TPO: variants seen among roughly 807,000 people sequenced by gnomAD.
TPO encodes the protein thyroid peroxidase.
In TPO, 78 loss-of-function variants were observed where a neutral mutation model predicts 96.9. The observed-to-expected ratio is 0.81, with a 90% confidence interval of 0.67 to 0.97. The LOEUF is 0.97. Among genes scored for constraint, TPO ranks in the 50% least tolerant of loss-of-function variants. TPO has a pLI of 0.00. For synonymous variants in TPO, 547 were observed against 538.0 expected (o/e 1.02, Z -0.23); for missense variants, 1,252 against 1,274.8 (o/e 0.98, Z 0.27).
In TPO at chr2:1,523,731, CCCACTGTGTGCAACCCCCCCAAATACCG is replaced by C. The variant is rs1365649152; in HGVS notation, c.2618+6765_2618+6792del. On this transcript the variant is annotated intron_variant, in intron 15 of 16. Coordinates refer to ENST00000329066, the MANE Select transcript of TPO (RefSeq NM_001206744.2). ...CACTGTGTGCAACCTCCTCAGGTCC[CCCACTGTGTGCAACCCCCCCAAATACCG>C]CCACTGTGTGCAACCTCTTCTAATC... is the stretch of plus-strand genomic sequence containing the variant. Among the ~76,000 whole-genome samples, 34 of 126,412 alleles carry C rather than the reference CCCACTGTGTGCAACCCCCCCAAATACCG, an allele frequency of 2.7e-4. 1 individual carries two copies. The East Asian group carries it at 8.7e-3, about 32-fold the overall frequency. 82.9% of individuals were successfully genotyped at this position (126,412 alleles called of 152,430 possible).
intron 15 of TPO, among the ~76,000 whole-genome samples, chr2:1,538,047 A>G (rs555760827): frequency 1.0e-3 from 88 of 86,666 alleles, no homozygotes; most frequent in African/African-American, 5.9e-3. Flanking sequence ...ACTGTGTGCA[A>G]CCTCCTCAAA....
chr2:1,438,305 A>C (rs1381917156), intron 5 of TPO, among the ~76,000 whole-genome samples: 3 of 152,134 alleles, frequency 2.0e-5, no homozygotes, highest in Admixed American at 6.5e-5. Context: ...CAATTATCTT[A>C]AGAATCAGCG....
intron 8 of TPO, among the ~76,000 whole-genome samples, chr2:1,483,268 C>T (rs1179547572): frequency 6.6e-6 from 1 of 152,214 alleles, no homozygotes; most frequent in Non-Finnish European, 1.5e-5. Context: ...GCTCAGGCCT[C>T]AGTTCTCTGC....
upstream of TPO, among the ~76,000 whole-genome samples, chr2:1,409,417 AT>A (rs1299133948): frequency 2.0e-5 from 3 of 152,234 alleles, no homozygotes; most frequent in Non-Finnish European, 4.4e-5. Context: ...TTACAGGGGA[AT>A]TTAATTAAGT....
chr2:1,412,802 G>T (rs115351629), upstream of TPO, among the ~76,000 whole-genome samples: 606 of 152,260 alleles, frequency 4.0e-3, 8 homozygotes, highest in African/African-American at 0.014. Context: ...ATGAGATACA[G>T]CCTGAAAGCA....
Position 1,487,919 on chromosome 2 carries a change from G to T in TPO, c.1696G>T (p.Val566Leu). 1 of 1,614,190 alleles carries T rather than the reference G, an allele frequency of 6.2e-7. No individual in the cohort carries two copies. The highest frequency in any genetic ancestry group is 8.5e-7 in the Non-Finnish European group (1 of 1,180,038). Residue 566 changes from valine (V) to leucine (L), a missense_variant, in exon 10 of 17, where the codon GTG becomes TTG. Val to Leu is a conservative substitution (Grantham distance 32). Transcript: ENST00000329066. ...CGAGGAGCTGACGGAAAGGCTCTTT[G>T]TGCTGTCCAATTCCAGCACCTTGGA... ...MNEELTERLF[V>L]LSNSSTLDLA...
intron 15 of TPO, among the ~76,000 whole-genome samples, chr2:1,523,781 A>C (rs1322683325): frequency 9.4e-6 from 1 of 106,528 alleles, no homozygotes; most frequent in Non-Finnish European, 1.8e-5. Context: ...AACCTCTTCT[A>C]ATCCCCTCAC....
chr2:1,467,459 G>A (rs555967773), intron 7 of TPO, among the ~76,000 whole-genome samples: 11 of 152,224 alleles, frequency 7.2e-5, no homozygotes, highest in African/African-American at 2.6e-4. Context: ...TGTCATTCAG[G>A]AGCAGATTAT....
intron 1 of TPO, among the ~76,000 whole-genome samples, chr2:1,399,097 C>T (rs552116596): frequency 2.6e-5 from 4 of 152,320 alleles, no homozygotes; most frequent in East Asian, 1.9e-4. Flanking sequence ...TCCCAGGTGG[C>T]GGCTGCAGTT....
chr2:1,452,155 T>A (rs1280504659), intron 5 of TPO, among the ~76,000 whole-genome samples: 1 of 152,236 alleles, frequency 6.6e-6, no homozygotes, highest in Admixed American at 6.5e-5. Flanking sequence ...AGGGCCTCAG[T>A]GTTCATTGTT....
intron 9 of TPO, 118 bp downstream of exon 9, chr2:1,484,972 A>G: frequency 6.8e-7 from 1 of 1,480,870 alleles, no homozygotes; most frequent in South Asian, 1.2e-5. Flanking sequence ...TTTGTTACGT[A>G]GGGTATACAT....
intron 7 of TPO, among the ~76,000 whole-genome samples, chr2:1,466,932 T>G (rs2148638105): frequency 6.6e-6 from 1 of 152,178 alleles, no homozygotes; most frequent in South Asian, 2.1e-4. Flanking sequence ...TGGGTTTGGG[T>G]TTGGTTTGTT....
At chr2:1,482,177 G>A (rs1043225681) in intron 8 of TPO, among the ~76,000 whole-genome samples, 21 of 152,246 alleles carry the variant, frequency 1.4e-4, no homozygotes, top group Admixed American at 4.6e-4. Flanking sequence ...CTACGCGGCT[G>A]TTTCCCACCG....
At chr2:1,514,300 C>T (rs1366253215) in intron 14 of TPO, among the ~76,000 whole-genome samples, 1 of 152,202 alleles carries the variant, frequency 6.6e-6, no homozygotes, top group Non-Finnish European at 1.5e-5. Context: ...ACCACAGATT[C>T]CAATGCTGAT....
intron 7 of TPO, 71 bp downstream of exon 7, chr2:1,456,353 A>G: frequency 6.7e-7 from 1 of 1,494,174 alleles, no homozygotes; most frequent in East Asian, 2.4e-5. Flanking sequence ...ACAGAATGGT[A>G]TAAAACAAAA....
At chr2:1,449,676 T>C (rs1044699505) in intron 5 of TPO, among the ~76,000 whole-genome samples, 2 of 151,594 alleles carry the variant, frequency 1.3e-5, no homozygotes, top group Non-Finnish European at 2.9e-5. Flanking sequence ...GTCAAATAAA[T>C]GTATTAGTCT....
intron 1 of TPO, 34 bp downstream of exon 1, chr2:1,413,579 C>G (rs1662574581): frequency 1.3e-6 from 1 of 795,260 alleles, no homozygotes; most frequent in South Asian, 5.7e-5. Context: ...TTTCCATTTT[C>G]TAAGAGAAAT....
chr2:1,404,987 C>T (rs562421202), intron 1 of TPO, among the ~76,000 whole-genome samples: 2 of 152,254 alleles, frequency 1.3e-5, no homozygotes, highest in Non-Finnish European at 2.9e-5. Context: ...TTTTATCCAT[C>T]GACCCATTCA....
At chr2:1,525,520 CAAATCCCCCCACTGTGTGTAACCTCCCA>C (rs1676239215) in intron 15 of TPO, among the ~76,000 whole-genome samples, 1 of 90,550 alleles carries the variant, frequency 1.1e-5, no homozygotes, top group African/African-American at 4.2e-5. Context: ...ACAACCTCCT[CAAATCCCCCCACTGTGTGTAACCTCCCA>C]AAATCCCCCC....
Sources: gnomAD v4.1 joint callset for allele counts (sites outside exome capture counted in the v4.1 genomes callset) on GRCh38, gnomAD v4.1.1 for gene constraint, MANE v1.5 for transcripts, NCBI Gene and HGNC (gene_info 2026-07-23, HGNC 2026-07-21) for gene names.